Variants in CUTC observed in about 807,000 individuals in gnomAD.
CUTC encodes the protein cutC copper transporter, also known as copper homeostasis protein cutC homolog.
A neutral mutation model predicts 36.2 loss-of-function variants in CUTC; 27 were observed. That is an observed-to-expected ratio of 0.75 (90% CI 0.55 to 1.03). The LOEUF (loss-of-function observed/expected upper bound fraction) is 1.03, where lower values mean the gene tolerates loss of function less well. Among genes scored for constraint, CUTC ranks in the 50% least tolerant of loss-of-function variants. The pLI is 0.00. For missense variants in CUTC, 315 were observed against 343.5 expected, an observed-to-expected ratio of 0.92 and a Z score of 0.66; for synonymous variants, 114 against 118.3, an observed-to-expected ratio of 0.96 and a Z score of 0.24.
In CUTC at chr10:99,743,270, G is replaced by A. The variant is rs768955316; in HGVS notation, c.311G>A (p.Arg104His). 85 of 1,614,010 alleles carry A rather than the reference G, an allele frequency of 5.3e-5. No individual in the cohort carries two copies. Among genetic ancestry groups the A allele is most frequent in the South Asian group, 8.8e-5 (8 of 91,074 alleles). Reference sequence around the variant, plus strand: ...ATTGAGGTGATGAAGGCTGACATTCGTCTTGCCAAGCTTTATGGTGCTGAT... The same window carrying A: ...ATTGAGGTGATGAAGGCTGACATTCATCTTGCCAAGCTTTATGGTGCTGAT... ...REIEVMKADI[R>H]LAKLYGADGL... Residue 104 changes from arginine to histidine, a missense_variant, in exon 4 of 9, where the codon CGT becomes CAT. By Grantham distance (29) the Arg-to-His change is conservative. Coordinates refer to ENST00000370476, the MANE Select transcript of CUTC (RefSeq NM_015960.3).
At position 99,743,281 on chromosome 10, in the gene CUTC, C is replaced by T; in HGVS notation, c.322C>T (p.Leu108Phe). The T allele has an allele frequency of 6.2e-7, 1 of 1,614,070 alleles. No individual in the cohort carries two copies. The highest frequency in any genetic ancestry group is 1.3e-5 in the African/African-American group (1 of 75,014). The change falls in exon 4 of 9, where the codon CTT becomes TTT. Residue 108 changes from leucine to phenylalanine, a missense_variant. Leu to Phe is a conservative substitution (Grantham distance 22). Transcript: ENST00000370476. The stretch of plus-strand genomic sequence containing the variant: ...GAAGGCTGACATTCGTCTTGCCAAG[C>T]TTTATGGTGCTGATGGTTTGGTTTT... ...VMKADIRLAK[L>F]YGADGLVFGA...
In CUTC at chr10:99,747,307, T is replaced by G. The variant is rs1392289740; in HGVS notation, c.490T>G (p.Leu164Val). ...PMAALETLLT[L>V]GFERVLTSGC... ...GGCAGCTCTGGAGACCCTCTTAACC[T>G]TGGGATTTGAACGCGTGTTGACCAG... The change falls in exon 6 of 9, where the codon TTG becomes GTG. Residue 164 changes from leucine (L) to valine (V), a missense_variant. Transcript: ENST00000370476. The G allele has an allele frequency of 3.7e-6, 6 of 1,614,048 alleles. No individual in the cohort carries two copies. The highest frequency in any genetic ancestry group is 5.1e-6 in the Non-Finnish European group (6 of 1,180,026).
At chr10:99,735,851 A>T (rs926509784) in intron 1 of CUTC, among the ~76,000 whole-genome samples, 2 of 152,202 alleles carry the variant, frequency 1.3e-5, no homozygotes, top group Non-Finnish European at 2.9e-5. Flanking sequence ...CACACTAAAT[A>T]GTTGGTGGGA....
At chr10:99,734,944 A>T (rs1352723760) in intron 1 of CUTC, among the ~76,000 whole-genome samples, 1 of 151,964 alleles carries the variant, frequency 6.6e-6, no homozygotes, top group Non-Finnish European at 1.5e-5. Flanking sequence ...CTCTACAAAA[A>T]ATACAAAATT....
Position 99,732,335 on chromosome 10 carries a change from G to A in CUTC, c.-14G>A, listed in dbSNP as rs1040604011. 6.4e-7 allele frequency: 1 copy of A among 1,551,928 alleles called. No individual in the cohort carries two copies. The highest frequency in any genetic ancestry group is 8.7e-7 in the Non-Finnish European group (1 of 1,147,378). On this transcript the variant is annotated 5_prime_UTR_variant, in exon 1 of 9. Transcript: ENST00000370476. ...GTGGAAACTGCAGGCGCACGAGGGA[G>A]GAACGCGTGGAGCATGAAAAGGCAG...
chr10:99,747,218 A>AT, intron 5 of CUTC, 39 bp from the exon 6 acceptor site: 1 of 1,609,854 alleles, frequency 6.2e-7, no homozygotes, highest in Non-Finnish European at 8.5e-7. Context: ...TGCGTTAGAG[A>AT]TACCTGTTCA....
At chr10:99,750,846 T>C (rs1373482429) in intron 7 of CUTC, among the ~76,000 whole-genome samples, 1 of 152,170 alleles carries the variant, frequency 6.6e-6, no homozygotes, top group Non-Finnish European at 1.5e-5. Flanking sequence ...TGAAAATCTC[T>C]GATTGCCAAA....
Position 99,747,371 on chromosome 10 carries a change from T to C in CUTC, c.554T>C (p.Ile185Thr), listed in dbSNP as rs781579780. 9 of 1,614,044 alleles carry C rather than the reference T, an allele frequency of 5.6e-6. No individual in the cohort carries two copies. The East Asian group carries it at 1.6e-4, about 28-fold the overall frequency. ...DSSALEGLPL[I>T]KRLIEQAKGR... ...TCAGCATTAGAAGGGCTACCCCTAA[T>C]AAAGCGACTCATTGAGCAGGTACGT... The change falls in exon 6 of 9, where the codon ATA becomes ACA. Residue 185 changes from isoleucine (I) to threonine (T), a missense_variant. Ile to Thr is a moderately conservative substitution (Grantham distance 89). Coordinates refer to ENST00000370476, the MANE Select transcript of CUTC (RefSeq NM_015960.3).
Position 99,755,990 on chromosome 10 carries a change from A to G in CUTC, c.*251A>G. 2.6e-6 allele frequency: 1 copy of G among 381,308 alleles called. No individual in the cohort carries two copies. The highest frequency in any genetic ancestry group is 2.1e-5 in the African/African-American group (1 of 48,396). The allele number at this position is 381,308 out of a possible 1,614,324, so 23.6% of individuals were successfully genotyped here. On this transcript the variant is annotated 3_prime_UTR_variant, in exon 9 of 9. Transcript: ENST00000370476. ...GCTGGTCTGTGCTTCTTCCATAGACAGAAGCTTAGTCTGTTTTCAGTGGAA... is the reference window on the plus strand; with the variant it reads ...GCTGGTCTGTGCTTCTTCCATAGACGGAAGCTTAGTCTGTTTTCAGTGGAA...
At position 99,755,754 on chromosome 10, in the gene CUTC, G is replaced by C. The variant is rs1461863840; in HGVS notation, c.*15G>C. Reference sequence around the variant, plus strand: ...TCCTGGTGTAGCCAGACCTCTCTGAGAGACATGGATATCACAGGATGAAGG... The same window carrying C: ...TCCTGGTGTAGCCAGACCTCTCTGACAGACATGGATATCACAGGATGAAGG... On this transcript the variant is annotated 3_prime_UTR_variant, in exon 9 of 9. Coordinates refer to ENST00000370476, the MANE Select transcript of CUTC (RefSeq NM_015960.3). 1 of 1,485,106 alleles carries C rather than the reference G, an allele frequency of 6.7e-7. No individual in the cohort carries two copies. Among genetic ancestry groups the C allele is most frequent in the Admixed American group, 1.7e-5 (1 of 59,428 alleles). The allele number at this position is 1,485,106 out of a possible 1,614,324, so 92.0% of individuals were successfully genotyped here.
At chr10:99,755,055 T>C (rs1359580815) in intron 8 of CUTC, among the ~76,000 whole-genome samples, 1 of 152,248 alleles carries the variant, frequency 6.6e-6, no homozygotes, top group Non-Finnish European at 1.5e-5. Context: ...TTCTCTGTTT[T>C]CAGTTATTTT....
chr10:99,746,078 A>G (rs1024929843), intron 5 of CUTC, among the ~76,000 whole-genome samples: 22 of 152,132 alleles, frequency 1.4e-4, no homozygotes, highest in African/African-American at 5.3e-4. Flanking sequence ...CCCAAATTTG[A>G]CTCACCTGCC....
intron 7 of CUTC, among the ~76,000 whole-genome samples, chr10:99,754,207 A>G (rs2037439045): frequency 6.6e-6 from 1 of 152,146 alleles, no homozygotes; most frequent in Non-Finnish European, 1.5e-5. Context: ...TTTTTTCCTC[A>G]AACCTATCCT....
intron 4 of CUTC, 29 bp downstream of exon 4, chr10:99,743,391 C>G (rs772501905): frequency 1.7e-5 from 26 of 1,574,838 alleles, no homozygotes; most frequent in Non-Finnish European, 2.0e-5. Flanking sequence ...GACGTAAAAG[C>G]CTCTAATGAT....
chr10:99,753,455 G>C (rs147425154), intron 7 of CUTC, among the ~76,000 whole-genome samples: 2 of 152,062 alleles, frequency 1.3e-5, no homozygotes, highest in South Asian at 4.2e-4. Flanking sequence ...TGTCGCCCAG[G>C]CTATGGTGCA....
rs759232736 is a variant in CUTC, at chr10:99,747,432, G to T, written c.573+42G>T. 1.9e-6 allele frequency: 3 copies of T among 1,611,124 alleles called. No homozygotes were observed. In the South Asian group the frequency reaches 3.3e-5, roughly 18 times the overall value. Reference sequence around the variant, plus strand: ...TTTTTTTCCCCTAAGACTCTGTTGTGGTTACTCCTGACATTCTGCTGTTTA... The same window carrying T: ...TTTTTTTCCCCTAAGACTCTGTTGTTGTTACTCCTGACATTCTGCTGTTTA... On this transcript the variant is annotated intron_variant, in intron 6 of 8. Transcript: ENST00000370476.
intron 5 of CUTC, among the ~76,000 whole-genome samples, chr10:99,745,892 A>G (rs1012956249): frequency 2.0e-5 from 3 of 152,234 alleles, no homozygotes; most frequent in Admixed American, 6.5e-5. Context: ...GTGAAACTTC[A>G]TATAGTCTGT....
At chr10:99,741,488 T>A (rs140744048) in intron 3 of CUTC, among the ~76,000 whole-genome samples, 1 of 152,316 alleles carries the variant, frequency 6.6e-6, no homozygotes, top group Non-Finnish European at 1.5e-5. Context: ...CCTCCAGAGT[T>A]ATCTGTCTTC....
At chr10:99,739,932 A>T (rs573183296) in intron 3 of CUTC, among the ~76,000 whole-genome samples, 163 bp downstream of exon 3, 1 of 152,226 alleles carries the variant, frequency 6.6e-6, no homozygotes, top group Non-Finnish European at 1.5e-5. Flanking sequence ...ATTTGATCAA[A>T]CATATTTCTT....
Sources: gnomAD v4.1 joint callset for allele counts (sites outside exome capture counted in the v4.1 genomes callset) on GRCh38, gnomAD v4.1.1 for gene constraint, MANE v1.5 for transcripts, NCBI Gene and HGNC (gene_info 2026-07-23, HGNC 2026-07-21) for gene names.